Variants in POFUT2 observed in about 807,000 individuals in gnomAD.
POFUT2 encodes the protein protein O-fucosyltransferase 2.
Under a neutral mutation model 55.0 loss-of-function variants are expected in POFUT2, and 30 were observed. The observed-to-expected ratio is 0.55, with a 90% CI of 0.41 to 0.74. The LOEUF (loss-of-function observed/expected upper bound fraction) is 0.74, where lower values mean the gene tolerates loss of function less well. POFUT2 is among the 30% of genes least tolerant of loss of function. POFUT2 has a pLI of 0.00. For missense variants in POFUT2, 524 were observed against 562.6 expected, an observed-to-expected ratio of 0.93 and a Z score of 0.69; for synonymous variants, 267 against 231.1, an observed-to-expected ratio of 1.16 and a Z score of -1.41.
At chr21:45,275,471 C>A (rs2093254379) in intron 6 of POFUT2, among the ~76,000 whole-genome samples, 1 of 152,216 alleles carries the variant, frequency 6.6e-6, no homozygotes, top group Admixed American at 6.5e-5. Context: ...CTTGCATATG[C>A]ATGTTTATAG....
In POFUT2 at chr21:45,265,983, T is replaced by C. The variant is rs1197320049; in HGVS notation, c.1137-348A>G. 18 of 1,225,194 alleles carry C rather than the reference T, an allele frequency of 1.5e-5. No homozygotes were observed. Among genetic ancestry groups the C allele is most frequent in the Admixed American group, 3.4e-5 (1 of 29,652 alleles). 75.9% of individuals were successfully genotyped at this position (1,225,194 alleles called of 1,614,324 possible). ...ACGCCAGTGCAGGTCGAATACCTCC[T>C]GGGGGTCACATGGTGAACAATGAGA... On this transcript the variant is annotated intron_variant, in intron 8 of 8. Coordinates refer to ENST00000349485, the MANE Select transcript of POFUT2 (RefSeq NM_133635.6). The surrounding 1 kb of genome is among the most constrained non-coding windows in gnomAD (Gnocchi z 4.6).
chr21:45,269,596 C>T (rs1279784751), intron 7 of POFUT2, among the ~76,000 whole-genome samples: 6 of 151,930 alleles, frequency 3.9e-5, no homozygotes, highest in Non-Finnish European at 8.8e-5. Context: ...GCAGCATGCT[C>T]GTTAAGAGTC....
rs9979823 is a variant in POFUT2 at position 45,266,684 on chromosome 21, C to T, written c.1136+906G>A. ...CCCACACCCAGCAGACAGCATCACC[C>T]GGAGCCTCTGTGGGTCTTACACACC... On this transcript the variant is annotated intron_variant, in intron 8 of 8. Coordinates refer to ENST00000349485, the MANE Select transcript of POFUT2 (RefSeq NM_133635.6). The T allele has an allele frequency of 3.9e-3, 3,878 of 1,002,734 alleles. 113 individuals are homozygous for T. In the African/African-American group the frequency reaches 0.058, roughly 15 times the overall value. 62.1% of individuals were successfully genotyped at this position (1,002,734 alleles called of 1,614,324 possible). A position where few individuals can be genotyped will look rare whatever the true frequency, so the allele number is the denominator to read the frequency against.
chr21:45,273,984 G>A (rs895268492), intron 6 of POFUT2, among the ~76,000 whole-genome samples: 3 of 152,110 alleles, frequency 2.0e-5, no homozygotes, highest in Non-Finnish European at 4.4e-5. Flanking sequence ...ACAAGAGAAA[G>A]AAATAAACGG....
Position 45,287,809 on chromosome 21 carries a change from G to A in POFUT2, c.63C>T (p.Ala21=), listed in dbSNP as rs1310794613. ...LGAVSWPPAS[A]SGQEFWPGQS... is the part of the protein sequence containing the mutation. ...GTCCGGGCCAGAACTCCTGGCCGGA[G>A]GCAGAAGCCGGAGGCCAGGACACTG... The change falls in exon 1 of 9, where the codon GCC becomes GCT. Residue 21 remains alanine (A), a synonymous_variant. Transcript: ENST00000349485. The A allele has an allele frequency of 3.3e-6, 5 of 1,511,538 alleles. No homozygotes were observed. The highest frequency in any genetic ancestry group is 2.9e-5 in the African/African-American group (2 of 69,194). The allele number at this position is 1,511,538 out of a possible 1,614,324, so 93.6% of individuals were successfully genotyped here.
In POFUT2 at chr21:45,282,575, AG is replaced by A. The variant is rs1419172961; in HGVS notation, c.528-117del. ...GCTCCTGATGAAACGCGGCTGCTTT[AG>A]GAAAACTTACTGATCGTGACTGCAG... On this transcript the variant is annotated intron_variant, in intron 3 of 8. Transcript: ENST00000349485. The surrounding 1 kb of genome is among the most constrained non-coding windows in gnomAD (Gnocchi z 4.6). The A allele has an allele frequency of 1.6e-5, 11 of 697,412 alleles. No individual in the cohort carries two copies. The highest frequency in any genetic ancestry group is 5.4e-5 in the East Asian group (2 of 37,214). The allele number at this position is 697,412 out of a possible 1,614,324, so 43.2% of individuals were successfully genotyped here.
At position 45,267,564 on chromosome 21, in the gene POFUT2, C is replaced by T. The variant is rs777677447; in HGVS notation, c.1136+26G>A. 29 of 1,614,170 alleles carry T rather than the reference C, an allele frequency of 1.8e-5. No individual in the cohort carries two copies. The highest frequency in any genetic ancestry group is 2.3e-5 in the Non-Finnish European group (27 of 1,180,044). On this transcript the variant is annotated intron_variant, in intron 8 of 8. Transcript: ENST00000349485. The surrounding 1 kb of genome is among the most constrained non-coding windows in gnomAD (Gnocchi z 4.4). ...CTTTGAAAGCCACCCGACCCGCTCT[C>T]GGCCGACAGTGACGTGGGCAGGCAC...
chr21:45,282,392 C>A lies in POFUT2; in HGVS notation c.595G>T (p.Ala199Ser). The change falls in exon 4 of 9, where the codon GCC (alanine) becomes TCC (serine). Residue 199 changes from alanine to serine, a missense_variant. By Grantham distance (99) the Ala-to-Ser change is moderately conservative (BLOSUM62 1). This residue lies in a region of POFUT2 where 250 missense variants were observed against 318.2 expected (regional missense o/e 0.79). Coordinates refer to ENST00000349485, the MANE Select transcript of POFUT2 (RefSeq NM_133635.6). The surrounding 1 kb of genome is among the most constrained non-coding windows in gnomAD (Gnocchi z 4.6). ...AGCAGCAGGGGCGCCACGATGGAGG[C>A]TGAGCCCTGGACGGACAGACAGGAG... ...NVSCLSVQGS[A>S]SIVAPLLLRN... The A allele has an allele frequency of 6.2e-7, 1 of 1,613,650 alleles. No individual in the cohort carries two copies. Among genetic ancestry groups the A allele is most frequent in the Non-Finnish European group, 8.5e-7 (1 of 1,179,866 alleles).
At chr21:45,273,952 A>G (rs140810566) in intron 6 of POFUT2, among the ~76,000 whole-genome samples, 34 of 152,310 alleles carry the variant, frequency 2.2e-4, no homozygotes, top group African/African-American at 8.2e-4. Flanking sequence ...ATAGTACTAG[A>G]AGTCCTAGTC....
In POFUT2 at chr21:45,282,082, C is replaced by T. The variant is rs1001572379; in HGVS notation, c.638+267G>A. On this transcript the variant is annotated intron_variant, in intron 4 of 8. Coordinates refer to ENST00000349485, the MANE Select transcript of POFUT2 (RefSeq NM_133635.6). The surrounding 1 kb of genome is among the most constrained non-coding windows in gnomAD (Gnocchi z 4.6). ...CCCCGCCGCCCCCAGCCCAGCTCAG[C>T]CCCTCCCTGTGCACCTGGCCGGGCC... 2.6e-5 allele frequency among the ~76,000 whole-genome samples: 4 copies of T among 151,922 alleles called. No homozygotes were observed. The highest frequency in any genetic ancestry group is 2.9e-5 in the Non-Finnish European group (2 of 67,942).
intron 6 of POFUT2, among the ~76,000 whole-genome samples, chr21:45,275,678 G>A (rs1229642651): frequency 3.9e-5 from 6 of 152,142 alleles, no homozygotes; most frequent in South Asian, 2.1e-4. Flanking sequence ...ATGTTCTCAC[G>A]GGAACTAAGC....
At chr21:45,276,801 G>T (rs964748834) in intron 6 of POFUT2, among the ~76,000 whole-genome samples, 1 of 152,142 alleles carries the variant, frequency 6.6e-6, no homozygotes. Flanking sequence ...AAGCCAGGCC[G>T]AGTGACTCCC....
intron 3 of POFUT2, 46 bp downstream of exon 3, chr21:45,283,337 G>T: frequency 7.8e-7 from 1 of 1,274,196 alleles, no homozygotes; most frequent in Non-Finnish European, 1.0e-6. Context: ...GCGGCAGGGG[G>T]AGGTGGGGGG....
chr21:45,285,469 C>T lies in POFUT2; in HGVS notation c.382+209G>A. ...CCACTTCAGGTCCATTTCCGAGAAACATTTTGGGAAGCTCACTGCAGCGTG... is the reference window on the plus strand; with the variant it reads ...CCACTTCAGGTCCATTTCCGAGAAATATTTTGGGAAGCTCACTGCAGCGTG... On this transcript the variant is annotated intron_variant, in intron 2 of 8. Transcript: ENST00000349485. The surrounding 1 kb of genome is among the most constrained non-coding windows in gnomAD (Gnocchi z 4.9). The T allele has an allele frequency of 1.5e-6, 1 of 652,306 alleles. No individual in the cohort carries two copies. Among genetic ancestry groups the T allele is most frequent in the East Asian group, 3.0e-5 (1 of 32,868 alleles). 40.4% of individuals were successfully genotyped at this position (652,306 alleles called of 1,614,324 possible).
intron 3 of POFUT2, 60 bp downstream of exon 3, chr21:45,283,323 G>GGCC: frequency 3.4e-6 from 2 of 585,714 alleles, no homozygotes; most frequent in Non-Finnish European, 4.9e-6. Context: ...GGGGGGGGAC[G>GGCC]CATGCGGCAG....
Position 45,270,602 on chromosome 21 carries a change from A to G in POFUT2, c.832-583T>C, listed in dbSNP as rs1431326386. ...AGCATAACCAGCATTCGAGAAAGCC[A>G]GTGCACTCAACAAAACTACAACCAA... is the stretch of plus-strand genomic sequence containing the variant. On this transcript the variant is annotated intron_variant, in intron 6 of 8. Coordinates refer to ENST00000349485, the MANE Select transcript of POFUT2 (RefSeq NM_133635.6). The surrounding 1 kb of genome is among the most constrained non-coding windows in gnomAD (Gnocchi z 4.6). 6.6e-6 allele frequency among the ~76,000 whole-genome samples: 1 copy of G among 152,212 alleles called. No individual in the cohort carries two copies. The highest frequency in any genetic ancestry group is 2.4e-5 in the African/African-American group (1 of 41,456).
intron 6 of POFUT2, among the ~76,000 whole-genome samples, chr21:45,272,265 A>G (rs927316532): frequency 6.6e-6 from 1 of 152,216 alleles, no homozygotes; most frequent in Admixed American, 6.5e-5. Flanking sequence ...GTATTCTTAT[A>G]TCAGACAAAA....
In POFUT2 at chr21:45,267,185, C is replaced by G. The variant is rs1007328437; in HGVS notation, c.1136+405G>C. On this transcript the variant is annotated intron_variant, in intron 8 of 8. Transcript: ENST00000349485. This position sits in a 1 kb window ranked among gnomAD's most constrained non-coding sequence, Gnocchi z 4.4. The stretch of plus-strand genomic sequence containing the variant: ...GAATGATCACACGAGGGCCCACGCT[C>G]CCGGCCTCGGGGACGCTCACGGATG... 7.4e-7 allele frequency: 1 copy of G among 1,351,126 alleles called. No individual in the cohort carries two copies. The highest frequency in any genetic ancestry group is 9.5e-7 in the Non-Finnish European group (1 of 1,048,178). The allele number at this position is 1,351,126 out of a possible 1,614,324, so 83.7% of individuals were successfully genotyped here. A position where few individuals can be genotyped will look rare whatever the true frequency, so the allele number is the denominator to read the frequency against.
At position 45,270,347 on chromosome 21, in the gene POFUT2, G is replaced by A. The variant is rs568881886; in HGVS notation, c.832-328C>T. Among the ~76,000 whole-genome samples the A allele has an allele frequency of 2.0e-5, 3 of 151,948 alleles. No homozygotes were observed. In the East Asian group the frequency reaches 5.8e-4, roughly 29 times the overall value. ...AGGGACGTGCCACAAAGAGTTCACG[G>A]ATCCTGTGGACAAAGCAGCTCACAG... is the stretch of plus-strand genomic sequence containing the variant. On this transcript the variant is annotated intron_variant, in intron 6 of 8. Transcript: ENST00000349485. The surrounding 1 kb of genome is among the most constrained non-coding windows in gnomAD (Gnocchi z 4.6).
Sources: gnomAD v4.1 joint callset for allele counts (sites outside exome capture counted in the v4.1 genomes callset) on GRCh38, gnomAD v4.1.1 for gene constraint, gnomAD v4.1.1 regional missense constraint, Gnocchi (gnomAD v3.1) non-coding constraint, MANE v1.5 for transcripts, NCBI Gene and HGNC (gene_info 2026-07-23, HGNC 2026-07-21) for gene names.